Variants in EIF4E2 observed in about 807,000 individuals in gnomAD.
EIF4E2 encodes eukaryotic translation initiation factor 4E family member 2, also known as eukaryotic translation initiation factor 4E type 2.
EIF4E2 carries 13 observed loss-of-function variants against 34.2 expected under a neutral mutation model. That is an observed-to-expected ratio of 0.38 (90% CI 0.25 to 0.60). The LOEUF (loss-of-function observed/expected upper bound fraction) is 0.60, where lower values mean the gene tolerates loss of function less well. EIF4E2 is among the 20% of genes least tolerant of loss of function. The pLI is 0.62. For missense variants in EIF4E2, 222 were observed against 315.1 expected (o/e 0.70, Z 2.24); for synonymous variants, 100 against 106.6 (o/e 0.94, Z 0.38).
intron 3 of EIF4E2, among the ~76,000 whole-genome samples, chr2:232,561,013 A>G (rs1010228285): frequency 6.6e-6 from 1 of 152,244 alleles, no homozygotes; most frequent in Non-Finnish European, 1.5e-5. Context: ...AGGAATTTCT[A>G]ATACAGGGAA....
At chr2:232,573,997 AAC>A, downstream of EIF4E2, 2 of 659,370 alleles carry the variant, frequency 3.0e-6, no homozygotes. Context: ...TTGTTGAAGG[AAC>A]ACTGGTGCAA....
chr2:232,550,911 A>G (rs1008533175), intron 1 of EIF4E2, 167 bp downstream of exon 1: 35 of 716,946 alleles, frequency 4.9e-5, no homozygotes, highest in Non-Finnish European at 7.1e-5. Flanking sequence ...GCTGGGGAGC[A>G]ATGGATACCG....
intron 6 of EIF4E2, among the ~76,000 whole-genome samples, chr2:232,578,911 T>C (rs941247540): frequency 4.6e-5 from 7 of 152,168 alleles, no homozygotes; most frequent in African/African-American, 1.7e-4. Context: ...CTTTCTAGTT[T>C]CTTTTAATAA....
rs1409907757 is a variant in EIF4E2, at chr2:232,574,318, C to T, written c.666-6586C>T. ...CAGCAGCGGCCGCTGATCGGACGCTCCCCCTCTGTCTCTCACACTCAGGGT... is the reference window on the plus strand; with the variant it reads ...CAGCAGCGGCCGCTGATCGGACGCTTCCCCTCTGTCTCTCACACTCAGGGT... On this transcript the variant is annotated intron_variant, in intron 6 of 6. Coordinates refer to the EIF4E2 transcript ENST00000409098. 5 of 1,550,508 alleles carry T rather than the reference C, an allele frequency of 3.2e-6. No individual in the cohort carries two copies. The Admixed American group carries it at 7.8e-5, about 24-fold the overall frequency.
At chr2:232,557,805 A>AT in intron 2 of EIF4E2, 79 bp from the exon 3 acceptor site, 1 of 1,517,710 alleles carries the variant, frequency 6.6e-7, no homozygotes. Flanking sequence ...GGTGGTAAGG[A>AT]TTGACACTGC....
intron 3 of EIF4E2, among the ~76,000 whole-genome samples, chr2:232,562,696 T>G (rs1256150512): frequency 6.6e-6 from 1 of 152,252 alleles, no homozygotes; most frequent in East Asian, 1.9e-4. Flanking sequence ...TGACATACTT[T>G]GTCCTCACCA....
At chr2:232,552,816 A>G (rs1464994231) in intron 1 of EIF4E2, among the ~76,000 whole-genome samples, 1 of 152,008 alleles carries the variant, frequency 6.6e-6, no homozygotes, top group Non-Finnish European at 1.5e-5. Context: ...AAAGAAAAAC[A>G]AGCTTTCTTT....
intron 4 of EIF4E2, among the ~76,000 whole-genome samples, chr2:232,565,207 T>A (rs1692878916): frequency 6.6e-6 from 1 of 152,214 alleles, no homozygotes; most frequent in Non-Finnish European, 1.5e-5. Flanking sequence ...CTTTCAAGCC[T>A]CATCTCCCAT....
chr2:232,551,646 C>G (rs899640748), intron 1 of EIF4E2, among the ~76,000 whole-genome samples: 8 of 152,162 alleles, frequency 5.3e-5, no homozygotes, highest in African/African-American at 1.9e-4. Context: ...GCTGCCACGC[C>G]GGGGTGTGAT....
At chr2:232,558,079 T>C (rs1488343968) in intron 3 of EIF4E2, 61 bp downstream of exon 3, 19 of 1,569,460 alleles carry the variant, frequency 1.2e-5, no homozygotes, top group Middle Eastern at 1.7e-4. Context: ...TGTATTGATA[T>C]GATGTTTATT....
chr2:232,580,071 C>A (rs114693398), intron 6 of EIF4E2, among the ~76,000 whole-genome samples: 2,252 of 145,068 alleles, frequency 0.016, 74 homozygotes, highest in African/African-American at 0.054. Context: ...TATTGGGATC[C>A]CCCACATACA....
intron 6 of EIF4E2, chr2:232,567,589 C>G: frequency 1.7e-6 from 2 of 1,182,458 alleles, no homozygotes; most frequent in Non-Finnish European, 2.1e-6. Flanking sequence ...CACCCCACTT[C>G]TGCATGTCTT....
downstream of EIF4E2, chr2:232,573,907 A>G (rs752220736): frequency 2.3e-5 from 10 of 431,866 alleles, no homozygotes; most frequent in Non-Finnish European, 3.6e-5. Context: ...CAGAAAGTAC[A>G]GGGAGTGCCA....
At chr2:232,570,641 T>TGA (rs1167675015), downstream of EIF4E2, among the ~76,000 whole-genome samples, 2 of 152,212 alleles carry the variant, frequency 1.3e-5, no homozygotes, top group Non-Finnish European at 2.9e-5. Flanking sequence ...CAGCTGCTAC[T>TGA]GAGACTTAAG....
At chr2:232,570,588 C>T (rs1488191882), downstream of EIF4E2, among the ~76,000 whole-genome samples, 1 of 152,198 alleles carries the variant, frequency 6.6e-6, no homozygotes, top group Admixed American at 6.5e-5. Flanking sequence ...TCTTCTATTC[C>T]TTGTGGCTCT....
intron 3 of EIF4E2, among the ~76,000 whole-genome samples, chr2:232,563,175 C>G (rs571451678): frequency 6.6e-6 from 1 of 152,158 alleles, no homozygotes; most frequent in African/African-American, 2.4e-5. Flanking sequence ...TGGAATGTTC[C>G]GTGTTTTCTC....
intron 6 of EIF4E2, among the ~76,000 whole-genome samples, chr2:232,578,387 CT>C (rs1693268695): frequency 1.3e-5 from 2 of 152,150 alleles, no homozygotes; most frequent in African/African-American, 2.4e-5. Flanking sequence ...AATCCCAGCA[CT>C]TTGGGAGTCT....
At chr2:232,552,906 C>T (rs1179811825) in intron 1 of EIF4E2, among the ~76,000 whole-genome samples, 3 of 152,260 alleles carry the variant, frequency 2.0e-5, no homozygotes, top group African/African-American at 7.2e-5. Context: ...AGAAATTCTG[C>T]GGTGTTTAGG....
chr2:232,573,760 A>ATC, downstream of EIF4E2: 10 of 281,444 alleles, frequency 3.6e-5, no homozygotes, highest in South Asian at 1.1e-4. Context: ...GAAGGTCGGA[A>ATC]ATATGAAAAC....
Sources: gnomAD v4.1 joint callset for allele counts (sites outside exome capture counted in the v4.1 genomes callset) on GRCh38, gnomAD v4.1.1 for gene constraint, MANE v1.5 for transcripts, NCBI Gene and HGNC (gene_info 2026-07-23, HGNC 2026-07-21) for gene names.